Variants in MCF2L2 observed in about 807,000 individuals in gnomAD.
The protein encoded by MCF2L2 is MCF.2 cell line derived transforming sequence-like 2, also known as probable guanine nucleotide exchange factor MCF2L2.
In MCF2L2, 102 loss-of-function variants were observed where a neutral mutation model predicts 150.2. The ratio of observed to expected loss-of-function variants is 0.68; its 90% confidence interval spans 0.58 to 0.80. MCF2L2 has a LOEUF of 0.80. MCF2L2 is among the 30% of genes least tolerant of loss of function. The pLI, the probability that MCF2L2 is intolerant of heterozygous loss-of-function variation, is 0.00. For missense variants in MCF2L2, 1,256 were observed against 1,372.8 expected, an observed-to-expected ratio of 0.91 and a Z score of 1.34; for synonymous variants, 465 against 491.3, an observed-to-expected ratio of 0.95 and a Z score of 0.71.
chr3:183,206,247 C>T (rs903710046), intron 23 of MCF2L2, 33 bp from the exon 24 acceptor site: 9 of 1,468,636 alleles, frequency 6.1e-6, no homozygotes, highest in Non-Finnish European at 8.6e-6. Flanking sequence ...ATGTTCTATA[C>T]CATCGTTTTC....
intron 22 of MCF2L2, among the ~76,000 whole-genome samples, chr3:183,212,413 G>A (rs1036743325): frequency 9.2e-5 from 14 of 152,168 alleles, no homozygotes; most frequent in Admixed American, 1.3e-4. Context: ...GGAACATAGC[G>A]GCTACCTCAA....
chr3:183,385,710 T>C (rs1011055150), intron 2 of MCF2L2, among the ~76,000 whole-genome samples: 3 of 152,232 alleles, frequency 2.0e-5, no homozygotes, highest in African/African-American at 7.2e-5. Context: ...CGTTGATTGA[T>C]GGCTAATTCA....
At chr3:183,399,011 T>C (rs529068780) in intron 1 of MCF2L2, among the ~76,000 whole-genome samples, 7 of 152,186 alleles carry the variant, frequency 4.6e-5, no homozygotes, top group Non-Finnish European at 8.8e-5. Context: ...GTTGGAAAGC[T>C]CTTGTAATAA....
intron 1 of MCF2L2, among the ~76,000 whole-genome samples, chr3:183,392,870 G>A (rs946997675): frequency 1.3e-5 from 2 of 152,194 alleles, no homozygotes; most frequent in East Asian, 1.9e-4. Context: ...TAGGTAGGTA[G>A]GGGAGGAAGT....
intron 10 of MCF2L2, among the ~76,000 whole-genome samples, chr3:183,307,818 C>T (rs554274548): frequency 6.6e-6 from 1 of 152,354 alleles, no homozygotes; most frequent in East Asian, 1.9e-4. Context: ...ACAGGACTAC[C>T]TGGCCTCTGC....
chr3:183,428,037 T>C lies in MCF2L2; in HGVS notation c.-60A>G, dbSNP rs1716267063. 2 of 1,335,134 alleles carry C rather than the reference T, an allele frequency of 1.5e-6. No homozygotes were observed. The highest frequency in any genetic ancestry group is 1.4e-5 in the African/African-American group (1 of 68,986). The allele number at this position is 1,335,134 out of a possible 1,614,324, so 82.7% of individuals were successfully genotyped here. ...AACAAAACTGTTTCTACCGCTGCGG[T>C]GGATGATTTTTTAAAGGCATCTCCG... On this transcript the variant is annotated 5_prime_UTR_variant, in exon 1 of 30. Coordinates refer to ENST00000328913, the MANE Select transcript of MCF2L2 (RefSeq NM_015078.4). The surrounding 1 kb of genome is among the most constrained non-coding windows in gnomAD (Gnocchi z 5.1).
At chr3:183,382,288 A>AC (rs1713576962) in intron 2 of MCF2L2, among the ~76,000 whole-genome samples, 1 of 152,038 alleles carries the variant, frequency 6.6e-6, no homozygotes, top group Non-Finnish European at 1.5e-5. Flanking sequence ...CGAACTCCTG[A>AC]CCTCAACTGA....
At position 183,227,817 on chromosome 3, in the gene MCF2L2, T is replaced by C. The variant is rs1723399242; in HGVS notation, c.2115+480A>G. 6.6e-6 allele frequency: 1 copy of C among 152,502 alleles called. No individual in the cohort carries two copies. 9.4% of individuals were successfully genotyped at this position (152,502 alleles called of 1,614,324 possible). Reference sequence around the variant, plus strand: ...CCATTCAAAGGGCAGATACAAGATATACTGTCTTGACAAATTGCAAGTGTA... The same window carrying C: ...CCATTCAAAGGGCAGATACAAGATACACTGTCTTGACAAATTGCAAGTGTA... On this transcript the variant is annotated intron_variant, in intron 18 of 29. Coordinates refer to ENST00000328913, the MANE Select transcript of MCF2L2 (RefSeq NM_015078.4). This position sits in a 1 kb window ranked among gnomAD's most constrained non-coding sequence, Gnocchi z 4.0.
chr3:183,385,625 C>T (rs1215385150), intron 2 of MCF2L2, among the ~76,000 whole-genome samples: 4 of 152,108 alleles, frequency 2.6e-5, no homozygotes, highest in African/African-American at 9.7e-5. Context: ...CACAATAATT[C>T]CAAGTGGGAA....
intron 10 of MCF2L2, among the ~76,000 whole-genome samples, chr3:183,304,155 A>T (rs993561191): frequency 2.0e-5 from 3 of 152,218 alleles, no homozygotes; most frequent in Admixed American, 1.3e-4. Context: ...TCTCTTGATC[A>T]GAGCACCTGC....
chr3:183,189,432 G>A (rs507079), intron 27 of MCF2L2, among the ~76,000 whole-genome samples: 136,563 of 152,252 alleles, frequency 0.9, 61,355 homozygotes, highest in East Asian at 1. Context: ...ACAGATCTTG[G>A]AAAGGGCAAA....
At position 183,426,790 on chromosome 3, in the gene MCF2L2, G is replaced by A. The variant is rs111521280; in HGVS notation, c.76+1112C>T. 3.4e-3 allele frequency among the ~76,000 whole-genome samples: 521 copies of A among 152,310 alleles called. 8 individuals are homozygous for A. The highest frequency in any genetic ancestry group is 0.031 in the East Asian group (162 of 5,188). ...ATCCTACTGATCTTTTGTCGTAAAA[G>A]TTCAGTGCCCACAATTGGCACCAGA... is the stretch of plus-strand genomic sequence containing the variant. On this transcript the variant is annotated intron_variant, in intron 1 of 29. Coordinates refer to ENST00000328913, the MANE Select transcript of MCF2L2 (RefSeq NM_015078.4).
At chr3:183,421,895 T>C (rs1363061481) in intron 1 of MCF2L2, among the ~76,000 whole-genome samples, 1 of 152,228 alleles carries the variant, frequency 6.6e-6, no homozygotes, top group Non-Finnish European at 1.5e-5. Context: ...ATGTCCCTCC[T>C]CAGACAATGT....
chr3:183,400,713 G>C (rs1714707410), intron 1 of MCF2L2, among the ~76,000 whole-genome samples: 1 of 152,008 alleles, frequency 6.6e-6, no homozygotes, highest in Non-Finnish European at 1.5e-5. Context: ...GGAAAACTGG[G>C]GGATGACAGC....
chr3:183,416,196 G>A (rs568162656), intron 1 of MCF2L2, among the ~76,000 whole-genome samples: 24 of 151,932 alleles, frequency 1.6e-4, no homozygotes, highest in East Asian at 1.5e-3. Flanking sequence ...GTATATCTAC[G>A]TATGTTATAA....
chr3:183,264,530 G>T (rs897531194), intron 15 of MCF2L2, among the ~76,000 whole-genome samples: 1 of 152,196 alleles, frequency 6.6e-6, no homozygotes, highest in African/African-American at 2.4e-5. Flanking sequence ...CTCCCACTGT[G>T]TCTGGTATAA....
chr3:183,415,484 G>A (rs1433788051), intron 1 of MCF2L2, among the ~76,000 whole-genome samples: 1 of 152,148 alleles, frequency 6.6e-6, no homozygotes, highest in Non-Finnish European at 1.5e-5. Flanking sequence ...ACCGCACCCG[G>A]CCAATAGTTG....
chr3:183,222,917 T>C (rs1468922045), intron 20 of MCF2L2, among the ~76,000 whole-genome samples: 1 of 152,176 alleles, frequency 6.6e-6, no homozygotes, highest in East Asian at 1.9e-4. Context: ...GTTCATTCTG[T>C]TAGGCTGCTC....
intron 3 of MCF2L2, among the ~76,000 whole-genome samples, chr3:183,350,089 C>T (rs1207195813): frequency 2.0e-5 from 3 of 152,132 alleles, no homozygotes; most frequent in African/African-American, 4.8e-5. Context: ...GACTCCTCTT[C>T]GCTCCACACA....
Sources: gnomAD v4.1 joint callset for allele counts (sites outside exome capture counted in the v4.1 genomes callset) on GRCh38, gnomAD v4.1.1 for gene constraint, Gnocchi (gnomAD v3.1) non-coding constraint, MANE v1.5 for transcripts, NCBI Gene and HGNC (gene_info 2026-07-23, HGNC 2026-07-21) for gene names.